The following FMN1 variants were observed in gnomAD, a reference collection of about 807,000 sequenced individuals.
FMN1 encodes the protein formin 1.
Under a neutral mutation model 132.4 loss-of-function variants are expected in FMN1, and 110 were observed. The observed-to-expected ratio is 0.83, with a 90% CI of 0.71 to 0.97. FMN1 has a LOEUF of 0.97. Among genes scored for constraint, FMN1 ranks in the 50% least tolerant of loss-of-function variants. The probability of loss-of-function intolerance (pLI) is 0.00; values close to 1 mark genes in which losing one functional copy is unlikely to be tolerated. For synonymous variants in FMN1, 722 were observed against 651.7 expected (o/e 1.11, Z -1.64); for missense variants, 1,792 against 1,705.3 (o/e 1.05, Z -0.90).
intron 5 of FMN1, among the ~76,000 whole-genome samples, chr15:33,068,831 G>A (rs1235382056): frequency 6.6e-6 from 1 of 152,148 alleles, no homozygotes; most frequent in Non-Finnish European, 1.5e-5. Flanking sequence ...CAACAGGGTG[G>A]CAGAGTAAAC....
intron 4 of FMN1, among the ~76,000 whole-genome samples, chr15:33,142,631 T>G (rs547926944): frequency 3.3e-5 from 5 of 152,228 alleles, no homozygotes; most frequent in Non-Finnish European, 5.9e-5. Context: ...TTCAGCATAT[T>G]AATATAATGA....
chr15:33,076,258 T>C (rs1055974162), intron 5 of FMN1, among the ~76,000 whole-genome samples: 5 of 152,180 alleles, frequency 3.3e-5, no homozygotes, highest in African/African-American at 1.2e-4. Flanking sequence ...GAGTCTATGG[T>C]GAAAGCATTT....
intron 2 of FMN1, among the ~76,000 whole-genome samples, chr15:33,192,961 C>T (rs1966129017): frequency 6.6e-6 from 1 of 152,152 alleles, no homozygotes; most frequent in Non-Finnish European, 1.5e-5. Flanking sequence ...AATCACTGAG[C>T]TAGTCAGTGG....
At chr15:32,881,109 A>G (rs907189549) in intron 16 of FMN1, among the ~76,000 whole-genome samples, 3 of 152,180 alleles carry the variant, frequency 2.0e-5, no homozygotes, top group African/African-American at 7.2e-5. Context: ...TTAATCAAAT[A>G]CGGGGGAGTA....
chr15:32,942,208 A>T (rs1198265310), intron 9 of FMN1, among the ~76,000 whole-genome samples: 1 of 152,230 alleles, frequency 6.6e-6, no homozygotes, highest in Non-Finnish European at 1.5e-5. Context: ...AAACCTGTAC[A>T]TTAAGCCAGT....
intron 7 of FMN1, among the ~76,000 whole-genome samples, chr15:32,994,414 A>C (rs1268603149): frequency 6.6e-6 from 1 of 152,148 alleles, no homozygotes; most frequent in Admixed American, 6.5e-5. Context: ...AGTTCTCTCC[A>C]AACAAGCCAA....
chr15:33,105,106 A>G (rs345777), intron 4 of FMN1, among the ~76,000 whole-genome samples: 107,731 of 151,850 alleles, frequency 0.71, 38,552 homozygotes, highest in East Asian at 0.84. Context: ...TCAAAGAGGG[A>G]ATGAGCAACC....
At chr15:32,873,496 G>A (rs922448591) in intron 16 of FMN1, among the ~76,000 whole-genome samples, 5 of 152,164 alleles carry the variant, frequency 3.3e-5, no homozygotes, top group Non-Finnish European at 5.9e-5. Context: ...GACAGTTTCT[G>A]GTCCAGCAGC....
chr15:33,152,921 A>C, intron 4 of FMN1, 127 bp downstream of exon 4: 1 of 940,578 alleles, frequency 1.1e-6, no homozygotes, highest in Non-Finnish European at 1.5e-6. Flanking sequence ...TTCTTGCTAC[A>C]AAGTGAAGTA....
chr15:33,066,364 C>A, intron 5 of FMN1: 1 of 720,062 alleles, frequency 1.4e-6, no homozygotes, highest in South Asian at 2.2e-5. Flanking sequence ...CTCCATACTC[C>A]TTACAGGACA....
chr15:32,895,832 T>C (rs1000752798), intron 15 of FMN1, among the ~76,000 whole-genome samples: 5 of 152,194 alleles, frequency 3.3e-5, no homozygotes, highest in African/African-American at 9.6e-5. Context: ...TAAGTCATTT[T>C]TGAGATACTA....
chr15:32,989,421 A>C (rs1474598262), intron 7 of FMN1, among the ~76,000 whole-genome samples: 2 of 152,228 alleles, frequency 1.3e-5, no homozygotes, highest in Non-Finnish European at 2.9e-5. Context: ...AGAATTGGCA[A>C]AGGTAAAATG....
At chr15:32,775,191 T>C (rs901302475) in intron 20 of FMN1, among the ~76,000 whole-genome samples, 2 of 152,162 alleles carry the variant, frequency 1.3e-5, no homozygotes, top group Non-Finnish European at 2.9e-5. Context: ...AATTACTAAA[T>C]TGGCCTAGAT....
chr15:32,861,823 G>A (rs931343975), intron 16 of FMN1, among the ~76,000 whole-genome samples: 7 of 152,154 alleles, frequency 4.6e-5, no homozygotes, highest in East Asian at 1.9e-4. Flanking sequence ...GAATGCAGGC[G>A]AAGTCTTGGG....
intron 6 of FMN1, among the ~76,000 whole-genome samples, chr15:33,057,083 CA>C (rs2037250843): frequency 1.3e-5 from 2 of 152,138 alleles, no homozygotes; most frequent in African/African-American, 4.8e-5. Flanking sequence ...GAGGCTGAGG[CA>C]GAAGAATGGG....
At chr15:33,019,073 G>A (rs1295621361) in intron 6 of FMN1, among the ~76,000 whole-genome samples, 1 of 152,146 alleles carries the variant, frequency 6.6e-6, no homozygotes, top group African/African-American at 2.4e-5. Context: ...CCGGCAGCCT[G>A]CTTTTATTCT....
chr15:33,163,054 G>A (rs1964957754), intron 3 of FMN1, among the ~76,000 whole-genome samples: 1 of 152,090 alleles, frequency 6.6e-6, no homozygotes, highest in African/African-American at 2.4e-5. Flanking sequence ...CCCGGGAGGT[G>A]GAGGTTGCAG....
intron 3 of FMN1, among the ~76,000 whole-genome samples, chr15:33,168,276 G>T (rs1175735350): frequency 1.3e-5 from 2 of 152,204 alleles, no homozygotes; most frequent in African/African-American, 4.8e-5. Flanking sequence ...GAGGCCATCA[G>T]GGGGCCTCTA....
chr15:33,185,207 A>G (rs1362823032), intron 2 of FMN1, among the ~76,000 whole-genome samples: 1 of 152,202 alleles, frequency 6.6e-6, no homozygotes, highest in Non-Finnish European at 1.5e-5. Context: ...ACAGTTGCAT[A>G]GTCGTAATGT....
Sources: gnomAD v4.1 joint callset for allele counts (sites outside exome capture counted in the v4.1 genomes callset) on GRCh38, gnomAD v4.1.1 for gene constraint, MANE v1.5 for transcripts, NCBI Gene and HGNC (gene_info 2026-07-23, HGNC 2026-07-21) for gene names.